TM2D1: variants seen among roughly 807,000 people sequenced by gnomAD.
TM2D1 encodes TM2 domain containing 1.
TM2D1 carries 15 observed loss-of-function variants against 28.4 expected under a neutral mutation model. That is an observed-to-expected ratio of 0.53 (90% CI 0.35 to 0.81). The LOEUF is 0.81. TM2D1 is among the 40% of genes least tolerant of loss of function. The probability of loss-of-function intolerance (pLI) is 0.01; values close to 1 mark genes in which losing one functional copy is unlikely to be tolerated. For missense variants in TM2D1, 236 were observed against 254.9 expected (o/e 0.93, Z 0.50); for synonymous variants, 93 against 96.2 (o/e 0.97, Z 0.20).
intron 5 of TM2D1, among the ~76,000 whole-genome samples, chr1:61,689,454 C>T (rs1333816310): frequency 6.6e-6 from 1 of 152,090 alleles, no homozygotes; most frequent in Non-Finnish European, 1.5e-5. Context: ...CAACCTTGAT[C>T]GATCTCTCAG....
chr1:61,686,815 T>C, intron 5 of TM2D1: 1 of 975,114 alleles, frequency 1.0e-6, no homozygotes, highest in African/African-American at 1.8e-5. Context: ...CCATACTGGA[T>C]GGGAGGCTGA....
intron 2 of TM2D1, among the ~76,000 whole-genome samples, chr1:61,716,489 G>T (rs111967853): frequency 1.1e-3 from 144 of 131,568 alleles, no homozygotes; most frequent in African/African-American, 4.0e-3. Context: ...TTTTATATAC[G>T]TATATAATTA....
chr1:61,709,574 GAA>G, intron 2 of TM2D1, 137 bp from the exon 3 acceptor site: 1 of 626,206 alleles, frequency 1.6e-6, no homozygotes, highest in Non-Finnish European at 2.9e-6. Flanking sequence ...TTTTAGGTGG[GAA>G]AAGTGACACT....
At chr1:61,694,799 T>C in intron 4 of TM2D1, 29 bp from the exon 5 acceptor site, 1 of 1,467,440 alleles carries the variant, frequency 6.8e-7, no homozygotes, top group South Asian at 1.3e-5. Context: ...TCATTTATAA[T>C]CTGGAAGGTC....
intron 4 of TM2D1, chr1:61,699,141 T>C (rs1644384480): frequency 6.6e-6 from 1 of 152,020 alleles, no homozygotes; most frequent in African/African-American, 2.4e-5. Context: ...CCAGGAGTTC[T>C]AGAGCAGCCT....
chr1:61,715,510 T>C (rs529004660), intron 2 of TM2D1, among the ~76,000 whole-genome samples: 1 of 151,500 alleles, frequency 6.6e-6, no homozygotes, highest in African/African-American at 2.4e-5. Context: ...TAGCCAGGCA[T>C]GGTGACCTGC....
Position 61,709,362 on chromosome 1 carries a change from A to G in TM2D1, c.314T>C (p.Val105Ala), listed in dbSNP as rs769939351. ...GCAAGATATGGGCTTGAAAAAACCA[A>G]CTTCGTTCCCAGTAAAATGTGTTTC... ...GNETHFTGNE[V>A]GFFKPISCRN... Residue 105 changes from valine (V) to alanine (A), a missense_variant, in exon 3 of 7, where the codon GTT (valine) becomes GCT (alanine). Physicochemically the swap from Val to Ala is moderately conservative, Grantham distance 64. Transcript: ENST00000606498. 5.6e-6 allele frequency: 9 copies of G among 1,613,638 alleles called. No homozygotes were observed. The highest frequency in any genetic ancestry group is 1.7e-5 in the Admixed American group (1 of 60,004).
intron 3 of TM2D1, among the ~76,000 whole-genome samples, chr1:61,701,310 C>CAAAAAAAATAAA (rs1644399048): frequency 1.2e-5 from 1 of 84,042 alleles, no homozygotes; most frequent in Non-Finnish European, 2.2e-5. Context: ...TAAATGTTAA[C>CAAAAAAAATAAA]AAAAAAAAAA....
chr1:61,709,304 AT>A, intron 3 of TM2D1, 24 bp downstream of exon 3: 2 of 1,420,406 alleles, frequency 1.4e-6, no homozygotes, highest in Non-Finnish European at 2.0e-6. Flanking sequence ...TAATCTGAAA[AT>A]TTAAGTTTCA....
At chr1:61,698,115 A>C (rs1644376954) in intron 4 of TM2D1, 1 of 152,128 alleles carries the variant, frequency 6.6e-6, no homozygotes, top group Non-Finnish European at 1.5e-5. Context: ...ACTGTACCTT[A>C]ATTTTTTTAG....
chr1:61,707,007 C>A (rs1307158025), intron 3 of TM2D1, among the ~76,000 whole-genome samples: 1 of 152,178 alleles, frequency 6.6e-6, no homozygotes, highest in Admixed American at 6.5e-5. Flanking sequence ...GTGATCCCAG[C>A]ACCTTGAGAG....
intron 3 of TM2D1, among the ~76,000 whole-genome samples, chr1:61,706,191 CA>C (rs1326762077): frequency 2.0e-5 from 3 of 152,110 alleles, no homozygotes; most frequent in Admixed American, 6.5e-5. Flanking sequence ...TTCTGTTGAG[CA>C]ATGCTCATTC....
chr1:61,703,729 TA>T (rs1557532855), intron 3 of TM2D1, among the ~76,000 whole-genome samples: 60 of 71,692 alleles, frequency 8.4e-4, no homozygotes, highest in South Asian at 6.5e-3. Flanking sequence ...TATATATATA[TA>T]TATATATATA....
intron 5 of TM2D1, among the ~76,000 whole-genome samples, chr1:61,691,149 G>T (rs558410261): frequency 1.3e-4 from 20 of 152,122 alleles, no homozygotes; most frequent in Admixed American, 9.8e-4. Flanking sequence ...TAATATAAGA[G>T]ACTTTATTTT....
intron 3 of TM2D1, among the ~76,000 whole-genome samples, chr1:61,701,556 C>CGTGTGTGTGTGTGTGTGT (rs60257971): frequency 3.4e-5 from 5 of 145,842 alleles, no homozygotes; most frequent in African/African-American, 1.3e-4. Flanking sequence ...AATTCTCTTT[C>CGTGTGTGTGTGTGTGTGT]GTGTGTGTGT....
chr1:61,686,855 C>T (rs888246671), intron 5 of TM2D1: 1 of 951,836 alleles, frequency 1.1e-6, no homozygotes, highest in Non-Finnish European at 1.3e-6. Flanking sequence ...CCCAGGAATT[C>T]GAGGCTGCAA....
intron 5 of TM2D1, among the ~76,000 whole-genome samples, chr1:61,688,524 A>C (rs1644300156): frequency 6.6e-6 from 1 of 152,200 alleles, no homozygotes; most frequent in African/African-American, 2.4e-5. Context: ...AGAGATCGAG[A>C]CCATCCTGGC....
At chr1:61,691,932 A>AAAAAAAAAAATATATAT in intron 5 of TM2D1, among the ~76,000 whole-genome samples, 8 of 76,392 alleles carry the variant, frequency 1.0e-4, no homozygotes, top group Non-Finnish European at 1.3e-4. Flanking sequence ...AAAAAAAAAA[A>AAAAAAAAAAATATATAT]ATATATATAT....
chr1:61,709,019 A>C (rs1310931945), intron 3 of TM2D1, among the ~76,000 whole-genome samples: 1 of 152,104 alleles, frequency 6.6e-6, no homozygotes, highest in Non-Finnish European at 1.5e-5. Context: ...ATTAAAAGTT[A>C]GCCAGGCATG....
Sources: gnomAD v4.1 joint callset for allele counts (sites outside exome capture counted in the v4.1 genomes callset) on GRCh38, gnomAD v4.1.1 for gene constraint, MANE v1.5 for transcripts, NCBI Gene and HGNC (gene_info 2026-07-23, HGNC 2026-07-21) for gene names.